The following MICAL2 variants were observed in gnomAD, a reference collection of about 807,000 sequenced individuals.
MICAL2 encodes [F-actin]-monooxygenase MICAL2.
In MICAL2, 77 loss-of-function variants were observed where a neutral mutation model predicts 127.3. The ratio of observed to expected loss-of-function variants is 0.60; its 90% CI spans 0.50 to 0.73. The LOEUF (loss-of-function observed/expected upper bound fraction) is 0.73. MICAL2 is among the 30% of genes least tolerant of loss of function. MICAL2 has a pLI of 0.00. For synonymous variants in MICAL2, 570 were observed against 551.1 expected (o/e 1.03, Z -0.48); for missense variants, 1,351 against 1,434.4 (o/e 0.94, Z 0.94).
chr11:12,160,788 C>A (rs935638096), intron 2 of MICAL2, among the ~76,000 whole-genome samples: 2 of 152,230 alleles, frequency 1.3e-5, no homozygotes, highest in Non-Finnish European at 2.9e-5. Context: ...CCCCTGTGGG[C>A]GGGGCCTGAG....
At position 12,179,295 on chromosome 11, in the gene MICAL2, T is replaced by C. The variant is rs1161816560; in HGVS notation, c.264+16876T>C. On this transcript the variant is annotated intron_variant, in intron 3 of 27. Transcript: ENST00000683283. The stretch of plus-strand genomic sequence containing the variant: ...CCTCTGCCCAGCACTGTAGGCACTT[T>C]CCGTGTTCAGTCTGCTGAAATCCTG... 2.0e-5 allele frequency among the ~76,000 whole-genome samples: 3 copies of C among 152,192 alleles called. No individual in the cohort carries two copies. In the East Asian group the frequency reaches 5.8e-4, roughly 29 times the overall value.
chr11:12,130,721 G>T (rs1396843176), intron 1 of MICAL2, among the ~76,000 whole-genome samples: 1 of 152,228 alleles, frequency 6.6e-6, no homozygotes, highest in Non-Finnish European at 1.5e-5. Context: ...GAATACTTGG[G>T]TGGAGGCTCT....
At chr11:12,214,316 C>T (rs1299643737) in intron 7 of MICAL2, among the ~76,000 whole-genome samples, 7 of 152,144 alleles carry the variant, frequency 4.6e-5, no homozygotes, top group Admixed American at 1.3e-4. Context: ...ATAAATCATC[C>T]GCAATCTGAC....
At chr11:12,186,684 G>T (rs971454692) in intron 3 of MICAL2, among the ~76,000 whole-genome samples, 2 of 152,206 alleles carry the variant, frequency 1.3e-5, no homozygotes, top group South Asian at 2.1e-4. Flanking sequence ...CCCAGGGAAG[G>T]TTTGCCTCTT....
intron 29 of MICAL2, among the ~76,000 whole-genome samples, chr11:12,309,177 GT>G (rs1407663514): frequency 6.6e-6 from 1 of 152,018 alleles, no homozygotes; most frequent in East Asian, 1.9e-4. Context: ...TCTCTTCTTT[GT>G]CTTAGGAAAC....
At chr11:12,129,393 C>G (rs1310501024) in intron 1 of MICAL2, among the ~76,000 whole-genome samples, 2 of 152,210 alleles carry the variant, frequency 1.3e-5, no homozygotes, top group African/African-American at 4.8e-5. Flanking sequence ...CCCCATTGAA[C>G]AGGTCAGGAG....
In MICAL2 at chr11:12,256,545, G is replaced by A. The variant is rs934666981; in HGVS notation, c.2956-240G>A. ...GCCAACCTCGGGGAGAGCCCCTCCCGGGCCCACCTTGTTGTCTCGGGCCTG... is the reference window on the plus strand; with the variant it reads ...GCCAACCTCGGGGAGAGCCCCTCCCAGGCCCACCTTGTTGTCTCGGGCCTG... On this transcript the variant is annotated intron_variant, in intron 23 of 27. Transcript: ENST00000683283. The A allele has an allele frequency of 3.7e-5, 15 of 407,290 alleles. 1 individual carries two copies. The highest frequency in any genetic ancestry group is 9.8e-5 in the South Asian group (2 of 20,312). 25.2% of individuals were successfully genotyped at this position (407,290 alleles called of 1,614,324 possible).
chr11:12,189,770 C>T (rs1363312072), intron 3 of MICAL2, among the ~76,000 whole-genome samples: 3 of 152,222 alleles, frequency 2.0e-5, no homozygotes, highest in Non-Finnish European at 2.9e-5. Flanking sequence ...CCCAGGCCTG[C>T]CACCAGAGGG....
At chr11:12,230,121 A>C (rs1007887089) in intron 15 of MICAL2, among the ~76,000 whole-genome samples, 2 of 152,218 alleles carry the variant, frequency 1.3e-5, no homozygotes, top group African/African-American at 4.8e-5. Flanking sequence ...ATGCCAGCAC[A>C]GTGATCAGGG....
intron 7 of MICAL2, among the ~76,000 whole-genome samples, chr11:12,214,666 T>A (rs908437764): frequency 4.6e-5 from 7 of 152,230 alleles, no homozygotes; most frequent in African/African-American, 1.7e-4. Flanking sequence ...CACATGAAGT[T>A]TATTTAAAAT....
chr11:12,204,352 C>G lies in MICAL2; in HGVS notation c.367C>G (p.Arg123Gly). Residue 123 changes from arginine to glycine, a missense_variant, in exon 4 of 28, where the codon CGG (arginine) becomes GGG (glycine). By Grantham distance (125) the Arg-to-Gly change is moderately radical (BLOSUM62 -2). Coordinates refer to ENST00000683283, the MANE Select transcript of MICAL2 (RefSeq NM_001282663.2). ...VVVEKRDSFS[R>G]NNVLHLWPFT... Reference sequence around the variant, plus strand: ...GGTGGAGAAGAGGGACTCCTTCTCCCGGAACAACGTGCTACACCTCTGGCC... The same window carrying G: ...GGTGGAGAAGAGGGACTCCTTCTCCGGGAACAACGTGCTACACCTCTGGCC... 1 of 1,614,082 alleles carries G rather than the reference C, an allele frequency of 6.2e-7. No individual in the cohort carries two copies. The highest frequency in any genetic ancestry group is 8.5e-7 in the Non-Finnish European group (1 of 1,179,996).
At chr11:12,149,722 G>C (rs748662326) in intron 2 of MICAL2, among the ~76,000 whole-genome samples, 1 of 152,184 alleles carries the variant, frequency 6.6e-6, no homozygotes, top group Non-Finnish European at 1.5e-5. Flanking sequence ...GGGGTTGCAA[G>C]GGAAATTGGC....
intron 29 of MICAL2, among the ~76,000 whole-genome samples, chr11:12,310,180 A>G (rs1382570018): frequency 6.6e-6 from 1 of 151,972 alleles, no homozygotes; most frequent in Non-Finnish European, 1.5e-5. Context: ...CTTTTGCTTG[A>G]ATAATCTCAA....
intron 1 of MICAL2, among the ~76,000 whole-genome samples, chr11:12,132,545 C>T (rs573236301): frequency 1.0e-3 from 156 of 152,350 alleles, no homozygotes; most frequent in African/African-American, 3.5e-3. Flanking sequence ...ATGACTGGGG[C>T]AACCACTCTC....
chr11:12,240,716 GGCCTA>G (rs1859794897), intron 17 of MICAL2, among the ~76,000 whole-genome samples: 1 of 152,182 alleles, frequency 6.6e-6, no homozygotes, highest in African/African-American at 2.4e-5. Context: ...CAGCCACCCT[GGCCTA>G]GCCACCCTGG....
intron 15 of MICAL2, 33 bp downstream of exon 15, chr11:12,227,164 C>A: frequency 7.0e-7 from 1 of 1,438,350 alleles, no homozygotes; most frequent in Non-Finnish European, 9.8e-7. Context: ...TTTTATTTCC[C>A]ATTGCACATG....
intron 2 of MICAL2, among the ~76,000 whole-genome samples, chr11:12,150,467 T>C (rs1056420670): frequency 6.6e-6 from 1 of 151,332 alleles, no homozygotes. Context: ...ACACAAAACA[T>C]AGGGGATCTT....
At chr11:12,223,596 C>A in intron 12 of MICAL2, 95 bp downstream of exon 12, 1 of 1,083,814 alleles carries the variant, frequency 9.2e-7, no homozygotes, top group African/African-American at 1.5e-5. Context: ...GCACTGCAAC[C>A]AGCCTGGCTC....
At chr11:12,160,460 G>A (rs1339644524) in intron 2 of MICAL2, among the ~76,000 whole-genome samples, 1 of 152,086 alleles carries the variant, frequency 6.6e-6, no homozygotes, top group African/African-American at 2.4e-5. Flanking sequence ...GCCTGGAGGG[G>A]ACACCTGCCA....
Sources: allele counts gnomAD v4.1 joint callset (sites outside exome capture counted in the v4.1 genomes callset), GRCh38; gene constraint gnomAD v4.1.1; transcripts MANE v1.5; gene names NCBI Gene and HGNC (gene_info 2026-07-23, HGNC 2026-07-21).